TUSC3: variants seen among roughly 807,000 people sequenced by gnomAD.
The protein encoded by TUSC3 is dolichyl-diphosphooligosaccharide--protein glycosyltransferase subunit TUSC3.
In TUSC3, 45 loss-of-function variants were observed where a neutral mutation model predicts 44.8. The observed-to-expected ratio is 1.00, with a 90% CI of 0.79 to 1.29. The LOEUF (loss-of-function observed/expected upper bound fraction) is 1.29. Among genes scored for constraint, TUSC3 ranks in the 50% most tolerant of loss-of-function variants. TUSC3 has a pLI of 0.00. For missense variants in TUSC3, 519 were observed against 437.9 expected (o/e 1.19, Z -1.65); for synonymous variants, 212 against 152.9 (o/e 1.39, Z -2.85).
intron 2 of TUSC3, among the ~76,000 whole-genome samples, chr8:15,534,784 G>A (rs1435326805): frequency 6.6e-6 from 1 of 152,134 alleles, no homozygotes; most frequent in Admixed American, 6.5e-5. Context: ...CAGAACAAAT[G>A]TATAGACAAA....
At chr8:15,565,977 T>C (rs1013008718) in intron 1 of TUSC3, among the ~76,000 whole-genome samples, 4 of 152,192 alleles carry the variant, frequency 2.6e-5, no homozygotes, top group Admixed American at 6.5e-5. Flanking sequence ...AGATGACTTA[T>C]TAAAAACTAA....
At chr8:15,454,807 C>G (rs992585022) in intron 1 of TUSC3, among the ~76,000 whole-genome samples, 8 of 152,132 alleles carry the variant, frequency 5.3e-5, no homozygotes, top group African/African-American at 1.9e-4. Flanking sequence ...ATGATTTAAT[C>G]AATGATTTAT....
intron 6 of TUSC3, among the ~76,000 whole-genome samples, chr8:15,702,061 G>T (rs1205597430): frequency 2.6e-5 from 4 of 152,160 alleles, no homozygotes; most frequent in African/African-American, 9.7e-5. Context: ...AATGGGACGA[G>T]AATGGAAGAG....
At chr8:15,724,679 C>A (rs1396297785) in intron 6 of TUSC3, among the ~76,000 whole-genome samples, 3 of 152,056 alleles carry the variant, frequency 2.0e-5, no homozygotes, top group African/African-American at 7.2e-5. Context: ...TTTTGCATGT[C>A]CATTGCCCTT....
intron 1 of TUSC3, among the ~76,000 whole-genome samples, chr8:15,463,879 T>A (rs763601818): frequency 6.6e-6 from 1 of 152,168 alleles, no homozygotes; most frequent in African/African-American, 2.4e-5. Flanking sequence ...ATACATATAA[T>A]GTTCTTATTT....
At chr8:15,514,318 A>G (rs909012133) in intron 2 of TUSC3, among the ~76,000 whole-genome samples, 3 of 152,196 alleles carry the variant, frequency 2.0e-5, no homozygotes, top group African/African-American at 7.2e-5. Context: ...GTAGTAATTT[A>G]TTTTTATATT....
At chr8:15,428,214 G>A (rs1235404520) in intron 1 of TUSC3, among the ~76,000 whole-genome samples, 1 of 145,920 alleles carries the variant, frequency 6.9e-6, no homozygotes, top group East Asian at 2.1e-4. Context: ...GTGAGAACAT[G>A]TGGTGTTTGG....
intron 5 of TUSC3, among the ~76,000 whole-genome samples, chr8:15,665,724 AAT>A (rs1807626725): frequency 1.3e-5 from 2 of 151,542 alleles, no homozygotes; most frequent in South Asian, 4.2e-4. Context: ...ATTGCAAAGT[AAT>A]ATATGTAAAT....
At chr8:15,773,095 C>T in the TUSC3 span, among the ~76,000 whole-genome samples, 6 of 130,378 alleles carry the variant, frequency 4.6e-5, no homozygotes, top group South Asian at 2.5e-4. Flanking sequence ...TGCCTACTTT[C>T]GCCACCTCTA....
intron 7 of TUSC3, among the ~76,000 whole-genome samples, chr8:15,738,100 G>T (rs1322246944): frequency 2.0e-5 from 3 of 152,064 alleles, no homozygotes; most frequent in African/African-American, 7.2e-5. Flanking sequence ...TTTTTAAACG[G>T]CTCACTGCTC....
intron 3 of TUSC3, among the ~76,000 whole-genome samples, chr8:15,653,241 A>C (rs1273235329): frequency 6.6e-6 from 1 of 152,134 alleles, no homozygotes; most frequent in Non-Finnish European, 1.5e-5. Context: ...TCAGTGGGAG[A>C]GGCGCAGCTC....
intron 1 of TUSC3, among the ~76,000 whole-genome samples, chr8:15,418,743 T>A (rs576221739): frequency 1.5e-4 from 23 of 152,324 alleles, no homozygotes; most frequent in African/African-American, 5.3e-4. Context: ...CAGTGGCTCA[T>A]GCCTGTAACC....
chr8:15,789,160 T>TCTGTATGTCACCCATAACCTG, the TUSC3 span, among the ~76,000 whole-genome samples: 1 of 152,180 alleles, frequency 6.6e-6, no homozygotes, highest in Non-Finnish European at 1.5e-5. Flanking sequence ...CTTTCTGTTT[T>TCTGTATGTCACCCATAACCTG]CTGTATGTCA....
chr8:15,432,719 T>C (rs1160653866), intron 1 of TUSC3, among the ~76,000 whole-genome samples: 1 of 152,154 alleles, frequency 6.6e-6, no homozygotes, highest in East Asian at 1.9e-4. Context: ...AACTGTGAAC[T>C]TAATGTGCAT....
the TUSC3 span, among the ~76,000 whole-genome samples, chr8:15,776,267 T>A: frequency 6.6e-6 from 1 of 152,172 alleles, no homozygotes; most frequent in Non-Finnish European, 1.5e-5. Flanking sequence ...AAGGTGTTTT[T>A]ATTTTTTTCC....
intron 7 of TUSC3, among the ~76,000 whole-genome samples, chr8:15,731,407 TA>T (rs1428678838): frequency 1.3e-5 from 2 of 152,170 alleles, no homozygotes; most frequent in African/African-American, 4.8e-5. Flanking sequence ...GTATCCTTTA[TA>T]AAATTTGATT....
chr8:15,461,540 G>C (rs56371246), intron 1 of TUSC3, among the ~76,000 whole-genome samples: 37,278 of 151,802 alleles, frequency 0.25, 4,593 homozygotes, highest in Middle Eastern at 0.29. Flanking sequence ...TGTCTTGTCT[G>C]ATTTCTCCGG....
At position 15,720,394 on chromosome 8, in the gene TUSC3, C is replaced by CATT. The variant is rs1276424032; in HGVS notation, c.799-10267_799-10265dup. On this transcript the variant is annotated intron_variant, in intron 6 of 10. Coordinates refer to ENST00000503731, the MANE Select transcript of TUSC3 (RefSeq NM_006765.4). ...TTGGGCAGCCTCAACCAGTAACACT[C>CATT]ATTATTAGTTAAACCCAGTCTGAAG... 2.6e-5 allele frequency among the ~76,000 whole-genome samples: 4 copies of CATT among 152,000 alleles called. No homozygotes were observed. In the East Asian group the frequency reaches 7.7e-4, roughly 29 times the overall value.
intron 1 of TUSC3, among the ~76,000 whole-genome samples, chr8:15,575,983 GTAATA>G: frequency 6.6e-6 from 1 of 151,930 alleles, no homozygotes; most frequent in South Asian, 2.1e-4. Flanking sequence ...TAATAACTGA[GTAATA>G]TAACTGTTTC....
Sources: allele counts gnomAD v4.1 joint callset (sites outside exome capture counted in the v4.1 genomes callset), GRCh38; gene constraint gnomAD v4.1.1; transcripts MANE v1.5; gene names NCBI Gene and HGNC (gene_info 2026-07-23, HGNC 2026-07-21).